PNLIPRP3: variants seen among roughly 807,000 people sequenced by gnomAD.
PNLIPRP3 encodes the protein pancreatic lipase-related protein 3.
In PNLIPRP3, 58 loss-of-function variants were observed where a neutral mutation model predicts 52.8. The ratio of observed to expected loss-of-function variants is 1.10; its 90% CI spans 0.89 to 1.37. The LOEUF (loss-of-function observed/expected upper bound fraction) is 1.37. PNLIPRP3 is among the 40% of genes most tolerant of loss of function. The pLI is 0.00. For missense variants in PNLIPRP3, 593 were observed against 561.6 expected, an observed-to-expected ratio of 1.06 and a Z score of -0.57; for synonymous variants, 192 against 185.0, an observed-to-expected ratio of 1.04 and a Z score of -0.31.
intron 2 of PNLIPRP3, chr10:116,439,501 C>T (rs907252983): frequency 8.0e-6 from 6 of 746,742 alleles, no homozygotes; most frequent in African/African-American, 1.7e-5. Flanking sequence ...TCTTCTTCAT[C>T]CTCCTCTTCC....
chr10:116,439,808 G>A, intron 2 of PNLIPRP3: 2 of 775,364 alleles, frequency 2.6e-6, no homozygotes, highest in South Asian at 2.7e-5. Flanking sequence ...CCCTTAGCTG[G>A]TTCATAATCC....
At chr10:116,452,683 C>G (rs2133132456) in intron 4 of PNLIPRP3, among the ~76,000 whole-genome samples, 1 of 152,350 alleles carries the variant, frequency 6.6e-6, no homozygotes, top group Middle Eastern at 3.4e-3. Context: ...CAGCTTAGAA[C>G]ACAGCTCTGG....
chr10:116,468,823 C>T lies in PNLIPRP3; in HGVS notation c.928-362C>T, dbSNP rs139798321. On this transcript the variant is annotated intron_variant, in intron 8 of 11. Transcript: ENST00000369230. Reference sequence around the variant, plus strand: ...CCCCTATTACACGTATTCAGTGTTGCCAATTGCTTTAATGTTTGCAAATCT... The same window carrying T: ...CCCCTATTACACGTATTCAGTGTTGTCAATTGCTTTAATGTTTGCAAATCT... Among the ~76,000 whole-genome samples the T allele has an allele frequency of 1.1e-3, 165 of 152,302 alleles. 4 individuals are homozygous for T. Among genetic ancestry groups the T allele is most frequent in the Admixed American group, 8.2e-3 (125 of 15,290 alleles).
At chr10:116,432,183 T>C (rs918762556) in intron 1 of PNLIPRP3, among the ~76,000 whole-genome samples, 2 of 152,190 alleles carry the variant, frequency 1.3e-5, no homozygotes, top group Admixed American at 6.5e-5. Context: ...TGGCAAATAA[T>C]AGGCACAAAC....
At chr10:116,473,948 CA>C (rs771490177) in intron 10 of PNLIPRP3, among the ~76,000 whole-genome samples, 10,271 of 103,152 alleles carry the variant, frequency 0.1, 422 homozygotes, top group East Asian at 0.27. Flanking sequence ...CATATGGAAC[CA>C]AAAAAAAAAA....
chr10:116,451,274 A>C (rs575352032), intron 4 of PNLIPRP3, among the ~76,000 whole-genome samples: 2 of 152,324 alleles, frequency 1.3e-5, no homozygotes, highest in Non-Finnish European at 2.9e-5. Flanking sequence ...CACACACACA[A>C]ATCAATTTGA....
intron 8 of PNLIPRP3, among the ~76,000 whole-genome samples, chr10:116,468,198 T>C (rs1279190921): frequency 2.0e-5 from 3 of 151,290 alleles, no homozygotes; most frequent in Non-Finnish European, 2.9e-5. Flanking sequence ...CTTTATGTAC[T>C]TGAGTGGAAT....
At chr10:116,465,943 C>T in intron 7 of PNLIPRP3, 107 bp from the exon 8 acceptor site, 1 of 805,334 alleles carries the variant, frequency 1.2e-6, no homozygotes, top group East Asian at 2.4e-5. Context: ...AGGTCTGGCC[C>T]TCCCAACTCA....
intron 6 of PNLIPRP3, 34 bp downstream of exon 6, chr10:116,461,119 G>C: frequency 1.2e-6 from 2 of 1,614,080 alleles, no homozygotes; most frequent in Non-Finnish European, 1.7e-6. Flanking sequence ...CTTCATTGAA[G>C]CATAGAGGAG....
At chr10:116,473,764 A>G (rs2163486) in intron 10 of PNLIPRP3, among the ~76,000 whole-genome samples, 147,705 of 152,074 alleles carry the variant, frequency 0.97, 71,883 homozygotes, top group East Asian at 1. Context: ...CAAGTGATCC[A>G]CCCACTTCGG....
intron 9 of PNLIPRP3, among the ~76,000 whole-genome samples, chr10:116,469,723 A>G (rs761441589): frequency 1.1e-4 from 16 of 152,162 alleles, no homozygotes; most frequent in Admixed American, 3.9e-4. Flanking sequence ...AGGATTGTAG[A>G]GACTGGGAGG....
At chr10:116,436,304 A>G (rs887663822) in intron 1 of PNLIPRP3, among the ~76,000 whole-genome samples, 6 of 152,238 alleles carry the variant, frequency 3.9e-5, no homozygotes, top group Non-Finnish European at 8.8e-5. Flanking sequence ...CACATACAAA[A>G]GAATGAAATT....
At chr10:116,437,580 T>C (rs1845793582) in intron 2 of PNLIPRP3, among the ~76,000 whole-genome samples, 1 of 152,168 alleles carries the variant, frequency 6.6e-6, no homozygotes, top group African/African-American at 2.4e-5. Context: ...GTATAGTTCC[T>C]TCCTGTGGAG....
At chr10:116,434,605 G>A (rs544440020) in intron 1 of PNLIPRP3, among the ~76,000 whole-genome samples, 2 of 152,030 alleles carry the variant, frequency 1.3e-5, no homozygotes, top group Admixed American at 6.6e-5. Flanking sequence ...AGAGCACAGT[G>A]GTAGATAACC....
In PNLIPRP3 at chr10:116,463,199, G is replaced by A. The variant is rs1392491291; in HGVS notation, c.808+1909G>A. On this transcript the variant is annotated intron_variant, in intron 7 of 11. Coordinates refer to ENST00000369230, the MANE Select transcript of PNLIPRP3 (RefSeq NM_001011709.3). ...GTTCTCTATTGTGTAACAAACCACA[G>A]TGAACAATTACAAGAAAAATTGTTA... Among the ~76,000 whole-genome samples the A allele has an allele frequency of 2.8e-5, 3 of 106,922 alleles. No homozygotes were observed. In the Admixed American group the frequency reaches 3.4e-4, roughly 12 times the overall value. 70.1% of individuals were successfully genotyped at this position (106,922 alleles called of 152,430 possible).
chr10:116,444,354 T>G lies in PNLIPRP3; in HGVS notation c.325-28T>G, dbSNP rs779844004. On this transcript the variant is annotated intron_variant, in intron 3 of 11. Transcript: ENST00000369230. ...TCGGTTTCCTTGAACACTTATTTATTTAATATTTATATAAATCTTTGTGCC... is the reference window on the plus strand; with the variant it reads ...TCGGTTTCCTTGAACACTTATTTATGTAATATTTATATAAATCTTTGTGCC... The G allele has an allele frequency of 2.8e-5, 44 of 1,547,238 alleles. No individual in the cohort carries two copies. The South Asian group carries it at 5.2e-4, about 18-fold the overall frequency.
At chr10:116,435,721 GCTT>G (rs1209833781) in intron 1 of PNLIPRP3, among the ~76,000 whole-genome samples, 1 of 152,160 alleles carries the variant, frequency 6.6e-6, no homozygotes, top group Admixed American at 6.5e-5. Flanking sequence ...CCATTTGTAT[GCTT>G]CTTAAGGAAA....
At chr10:116,468,891 G>T (rs1846321790) in intron 8 of PNLIPRP3, among the ~76,000 whole-genome samples, 1 of 152,136 alleles carries the variant, frequency 6.6e-6, no homozygotes, top group Admixed American at 6.5e-5. Context: ...ACATATGCTT[G>T]ACAACTAGTA....
chr10:116,440,728 C>T (rs532571209), intron 2 of PNLIPRP3, among the ~76,000 whole-genome samples: 1 of 152,266 alleles, frequency 6.6e-6, no homozygotes, highest in South Asian at 2.1e-4. Context: ...AAGAATAAAA[C>T]CAACCGACTT....
Sources: allele counts gnomAD v4.1 joint callset (sites outside exome capture counted in the v4.1 genomes callset), GRCh38; gene constraint gnomAD v4.1.1; transcripts MANE v1.5; gene names NCBI Gene and HGNC (gene_info 2026-07-23, HGNC 2026-07-21).